Variants in EYA4 observed in about 807,000 individuals in gnomAD.
The protein encoded by EYA4 is EYA transcriptional coactivator and phosphatase 4, also known as protein phosphatase EYA4.
A neutral mutation model predicts 87.9 loss-of-function variants in EYA4; 31 were observed. That is an observed-to-expected ratio of 0.35 (90% CI 0.27 to 0.48). The LOEUF is 0.48. EYA4 is among the 20% of genes least tolerant of loss of function. The pLI is 0.99. For missense variants in EYA4, 678 were observed against 761.4 expected (o/e 0.89, Z 1.29); for synonymous variants, 263 against 270.6 (o/e 0.97, Z 0.28).
intron 10 of EYA4, among the ~76,000 whole-genome samples, chr6:133,467,564 T>C (rs984471427): frequency 6.6e-6 from 1 of 152,116 alleles, no homozygotes; most frequent in African/African-American, 2.4e-5. Context: ...ACATTGGATC[T>C]TGAAATTTTC....
rs563599724 is a variant in EYA4 at position 133,412,900 on chromosome 6, C to A, written c.83+30459C>A. 3.6e-3 allele frequency among the ~76,000 whole-genome samples: 544 copies of A among 152,244 alleles called. 2 individuals are homozygous for A. Among genetic ancestry groups the A allele is most frequent in the African/African-American group, 0.012 (502 of 41,542 alleles). ...GGCTATTTCCATACTCACCACAGCC[C>A]AGCAGCTGGATGTGGTAAGGACAGG... is the stretch of plus-strand genomic sequence containing the variant. On this transcript the variant is annotated intron_variant, in intron 3 of 19. Coordinates refer to ENST00000355286, the MANE Select transcript of EYA4 (RefSeq NM_004100.5).
intron 3 of EYA4, among the ~76,000 whole-genome samples, chr6:133,394,284 GTTTTTTT>G (rs869103311): frequency 1.1e-4 from 2 of 17,874 alleles, no homozygotes; most frequent in African/African-American, 3.0e-4. Context: ...ATAAGCTTGT[GTTTTTTT>G]TTTTTTTTTT....
intron 1 of EYA4, among the ~76,000 whole-genome samples, chr6:133,268,217 C>T (rs1434458393): frequency 6.6e-6 from 1 of 152,164 alleles, no homozygotes; most frequent in Non-Finnish European, 1.5e-5. Context: ...TTTATGTCCT[C>T]AGTAAGTGTA....
intron 2 of EYA4, among the ~76,000 whole-genome samples, chr6:133,335,199 G>T (rs1782273950): frequency 1.3e-5 from 2 of 152,176 alleles, no homozygotes; most frequent in Non-Finnish European, 2.9e-5. Context: ...TGGAAGAACT[G>T]CAGTAGTGGT....
chr6:133,517,125 C>T (rs1799664005), intron 17 of EYA4, among the ~76,000 whole-genome samples: 1 of 152,166 alleles, frequency 6.6e-6, no homozygotes, highest in African/African-American at 2.4e-5. Context: ...CTAATTTACA[C>T]TCCCACCAAA....
Position 133,382,442 on chromosome 6 carries a change from G to T in EYA4, c.83+1G>T, listed in dbSNP as rs190186024. 2 of 1,608,330 alleles carry T rather than the reference G, an allele frequency of 1.2e-6. No individual in the cohort carries two copies. The highest frequency in any genetic ancestry group is 1.7e-5 in the Admixed American group (1 of 60,012). Reference sequence around the variant, plus strand: ...ATGTTTCACAATCTCAGAATTCCAGGTACAGTAAAATAAAGACCAAGACTC... The same window carrying T: ...ATGTTTCACAATCTCAGAATTCCAGTTACAGTAAAATAAAGACCAAGACTC... On this transcript the variant is annotated splice_donor_variant, in intron 3 of 19. Transcript: ENST00000355286. LOFTEE classifies it high-confidence loss of function.
At chr6:133,397,174 A>G (rs970830476) in intron 3 of EYA4, among the ~76,000 whole-genome samples, 1 of 152,220 alleles carries the variant, frequency 6.6e-6, no homozygotes, top group Non-Finnish European at 1.5e-5. Flanking sequence ...GGGCATCCAC[A>G]TGACAGTATA....
chr6:133,405,398 G>T lies in EYA4; in HGVS notation c.83+22957G>T, dbSNP rs141637577. Among the ~76,000 whole-genome samples, 8 of 152,264 alleles carry T rather than the reference G, an allele frequency of 5.3e-5. No individual in the cohort carries two copies. In the East Asian group the frequency reaches 1.5e-3, roughly 29 times the overall value. ...ACTGAATAACATATTTATTTTGGTAGCAGAAAATGCCATTGTTTGGGAAAA... is the reference window on the plus strand; with the variant it reads ...ACTGAATAACATATTTATTTTGGTATCAGAAAATGCCATTGTTTGGGAAAA... On this transcript the variant is annotated intron_variant, in intron 3 of 19. Coordinates refer to ENST00000355286, the MANE Select transcript of EYA4 (RefSeq NM_004100.5).
intron 2 of EYA4, among the ~76,000 whole-genome samples, chr6:133,365,603 A>T (rs1400350250): frequency 6.6e-6 from 1 of 151,988 alleles, no homozygotes; most frequent in African/African-American, 2.4e-5. Context: ...CAGAAGGAGG[A>T]AGGGAAAGCC....
intron 2 of EYA4, among the ~76,000 whole-genome samples, chr6:133,370,838 T>A (rs557550149): frequency 6.6e-6 from 1 of 152,302 alleles, no homozygotes; most frequent in South Asian, 2.1e-4. Context: ...AGTGTTTCCC[T>A]CCATTTATGG....
intron 3 of EYA4, among the ~76,000 whole-genome samples, chr6:133,421,643 A>G (rs1408476566): frequency 1.3e-5 from 2 of 152,164 alleles, no homozygotes; most frequent in African/African-American, 4.8e-5. Flanking sequence ...TGAGAATTAT[A>G]TTATGGGATG....
intron 3 of EYA4, among the ~76,000 whole-genome samples, chr6:133,407,574 C>T (rs932428897): frequency 2.6e-5 from 4 of 152,092 alleles, no homozygotes; most frequent in Non-Finnish European, 5.9e-5. Flanking sequence ...CAGAGACTCC[C>T]TGTGCCACAG....
chr6:133,509,202 A>G (rs1583504864), intron 14 of EYA4, among the ~76,000 whole-genome samples: 1 of 152,294 alleles, frequency 6.6e-6, no homozygotes, highest in African/African-American at 2.4e-5. Flanking sequence ...TCTGACTTTG[A>G]AAGGCAGTTT....
chr6:133,517,890 C>A (rs1799739174), intron 17 of EYA4, among the ~76,000 whole-genome samples: 1 of 152,182 alleles, frequency 6.6e-6, no homozygotes, highest in Non-Finnish European at 1.5e-5. Flanking sequence ...TCACCTGTTT[C>A]AGACGTTAGG....
intron 11 of EYA4, among the ~76,000 whole-genome samples, chr6:133,477,258 G>T (rs535281868): frequency 6.6e-6 from 1 of 151,986 alleles, no homozygotes. Context: ...ATTTCTGTCC[G>T]CCACAGTGTC....
At chr6:133,444,907 C>G (rs963243760) in intron 3 of EYA4, among the ~76,000 whole-genome samples, 7 of 152,154 alleles carry the variant, frequency 4.6e-5, no homozygotes, top group African/African-American at 1.4e-4. Context: ...CCATAGTCAG[C>G]TTTTTATTGG....
chr6:133,502,688 A>G (rs1798237860), intron 13 of EYA4: 1 of 152,322 alleles, frequency 6.6e-6, no homozygotes, highest in African/African-American at 2.4e-5. Flanking sequence ...AAGCTGGAAA[A>G]AAACAAAATT....
chr6:133,374,859 T>C (rs1020915154), intron 2 of EYA4, among the ~76,000 whole-genome samples: 2 of 152,066 alleles, frequency 1.3e-5, no homozygotes, highest in African/African-American at 4.8e-5. Context: ...AAAGACACTT[T>C]ATTAAAAGTT....
At chr6:133,299,827 A>G (rs1340485504) in intron 2 of EYA4, among the ~76,000 whole-genome samples, 1 of 151,560 alleles carries the variant, frequency 6.6e-6, no homozygotes, top group Admixed American at 6.6e-5. Flanking sequence ...TTAGAAGTTT[A>G]TATGATGATC....
Sources: gnomAD v4.1 joint callset for allele counts (sites outside exome capture counted in the v4.1 genomes callset) on GRCh38, gnomAD v4.1.1 for gene constraint, MANE v1.5 for transcripts, NCBI Gene and HGNC (gene_info 2026-07-23, HGNC 2026-07-21) for gene names.